The following CPNE8 variants were observed in gnomAD, a reference collection of about 807,000 sequenced individuals.
CPNE8 encodes copine 8.
CPNE8 carries 45 observed loss-of-function variants against 81.5 expected under a neutral mutation model. The ratio of observed to expected loss-of-function variants is 0.55; its 90% CI spans 0.44 to 0.71. CPNE8 has a LOEUF of 0.71. Among genes scored for constraint, CPNE8 ranks in the 30% least tolerant of loss-of-function variants. CPNE8 has a pLI of 0.00. For synonymous variants in CPNE8, 252 were observed against 226.3 expected (o/e 1.11, Z -1.02); for missense variants, 594 against 672.1 (o/e 0.88, Z 1.28).
chr12:38,898,794 C>T (rs552764994), intron 1 of CPNE8, among the ~76,000 whole-genome samples: 1 of 152,248 alleles, frequency 6.6e-6, no homozygotes, highest in South Asian at 2.1e-4. Flanking sequence ...CAGCCAACTC[C>T]AAAAAGGGTC....
At chr12:38,733,185 C>A (rs1592046621) in intron 10 of CPNE8, among the ~76,000 whole-genome samples, 1 of 151,872 alleles carries the variant, frequency 6.6e-6, no homozygotes, top group South Asian at 2.1e-4. Context: ...GATAGATTCT[C>A]AGGCCAATTT....
chr12:38,831,408 A>G (rs58235891), intron 5 of CPNE8, among the ~76,000 whole-genome samples: 12,322 of 152,222 alleles, frequency 0.081, 645 homozygotes, highest in East Asian at 0.28. Context: ...GAAAAAAACT[A>G]GAAGCCAGAT....
intron 19 of CPNE8, among the ~76,000 whole-genome samples, chr12:38,655,956 C>A (rs1938805943): frequency 1.4e-5 from 2 of 139,234 alleles, no homozygotes; most frequent in Non-Finnish European, 1.6e-5. Context: ...GCAAGAAAGG[C>A]AGCTTGCTAA....
chr12:38,839,295 C>T (rs1334780751), intron 5 of CPNE8, among the ~76,000 whole-genome samples: 1 of 151,976 alleles, frequency 6.6e-6, no homozygotes, highest in African/African-American at 2.4e-5. Flanking sequence ...AGCTCTGATG[C>T]CCAACTACTC....
rs184357401 is a variant in CPNE8 at position 38,725,117 on chromosome 12, C to A, written c.799-218G>T. ...TTAAAAATGTTTTGTCTGTAATATTCTTCTCACCTGTACATATTGATTACC... is the reference window on the plus strand; with the variant it reads ...TTAAAAATGTTTTGTCTGTAATATTATTCTCACCTGTACATATTGATTACC... On this transcript the variant is annotated intron_variant, in intron 11 of 19. Coordinates refer to ENST00000331366, the MANE Select transcript of CPNE8 (RefSeq NM_153634.3). 3.4e-3 allele frequency among the ~76,000 whole-genome samples: 513 copies of A among 152,256 alleles called. 1 individual carries two copies. Among genetic ancestry groups the A allele is most frequent in the Middle Eastern group, 0.01 (3 of 294 alleles).
intron 14 of CPNE8, among the ~76,000 whole-genome samples, chr12:38,695,897 T>A (rs1386644344): frequency 1.3e-5 from 2 of 151,984 alleles, no homozygotes; most frequent in Admixed American, 6.6e-5. Flanking sequence ...CCCCTGATAG[T>A]GTCACTGTAC....
In CPNE8 at chr12:38,795,428, G is replaced by A. The variant is rs375376580; in HGVS notation, c.408-19127C>T. Reference sequence around the variant, plus strand: ...CTTGAAGAGATATTTGCACACCTATGTTAATAGCGGCACTATTCACAATAT... The same window carrying A: ...CTTGAAGAGATATTTGCACACCTATATTAATAGCGGCACTATTCACAATAT... On this transcript the variant is annotated intron_variant, in intron 6 of 19. Coordinates refer to ENST00000331366, the MANE Select transcript of CPNE8 (RefSeq NM_153634.3). 3.2e-4 allele frequency among the ~76,000 whole-genome samples: 48 copies of A among 152,092 alleles called. 4 individuals carry two copies. The highest frequency in any genetic ancestry group is 2.6e-3 in the Admixed American group (40 of 15,268).
intron 6 of CPNE8, among the ~76,000 whole-genome samples, chr12:38,777,494 C>G (rs1592079822): frequency 6.6e-6 from 1 of 151,944 alleles, no homozygotes. Flanking sequence ...TTAGTGTAGC[C>G]TAACTATACA....
intron 4 of CPNE8, among the ~76,000 whole-genome samples, chr12:38,847,508 T>A (rs1943578498): frequency 2.0e-5 from 3 of 152,194 alleles, no homozygotes; most frequent in Admixed American, 6.5e-5. Flanking sequence ...TCTCTTCCAA[T>A]GAGCCTCATT....
At chr12:38,789,654 A>G (rs1942277626) in intron 6 of CPNE8, among the ~76,000 whole-genome samples, 1 of 151,846 alleles carries the variant, frequency 6.6e-6, no homozygotes, top group African/African-American at 2.4e-5. Flanking sequence ...CTCAGGGAAG[A>G]GACAACCCAC....
chr12:38,670,946 T>C (rs1939161448), intron 18 of CPNE8, 144 bp from the exon 19 acceptor site: 2 of 550,894 alleles, frequency 3.6e-6, no homozygotes, highest in Middle Eastern at 4.6e-4. Context: ...ATGTCTTCAT[T>C]CATTTCTCAT....
At chr12:38,884,745 A>G (rs973864080) in intron 1 of CPNE8, among the ~76,000 whole-genome samples, 1 of 152,182 alleles carries the variant, frequency 6.6e-6, no homozygotes, top group Non-Finnish European at 1.5e-5. Context: ...TAGTCAATCC[A>G]CATACCTGAT....
At chr12:38,781,404 T>C (rs1426875071) in intron 6 of CPNE8, among the ~76,000 whole-genome samples, 1 of 151,954 alleles carries the variant, frequency 6.6e-6, no homozygotes, top group Non-Finnish European at 1.5e-5. Context: ...TTAAAATAGA[T>C]AACAAAATTT....
At chr12:38,762,065 T>C in intron 9 of CPNE8, 47 bp downstream of exon 9, 16 of 1,007,174 alleles carry the variant, frequency 1.6e-5, no homozygotes, top group Non-Finnish European at 2.2e-5. Context: ...CACTGTAGAT[T>C]TTTTTAAAAG....
At chr12:38,708,223 C>T (rs571682459) in intron 13 of CPNE8, among the ~76,000 whole-genome samples, 7 of 152,080 alleles carry the variant, frequency 4.6e-5, no homozygotes, top group East Asian at 3.9e-4. Flanking sequence ...TAACCTCAAG[C>T]TATAAAACAG....
At position 38,814,814 on chromosome 12, in the gene CPNE8, T is replaced by C. The variant is rs762054121; in HGVS notation, c.407+14565A>G. On this transcript the variant is annotated intron_variant, in intron 6 of 19. Coordinates refer to ENST00000331366, the MANE Select transcript of CPNE8 (RefSeq NM_153634.3). ...AACACTAATTATAGCTGTCAGCAAA[T>C]AATATAGCTTTTTATTTCTTGTTTA... Among the ~76,000 whole-genome samples the C allele has an allele frequency of 4.3e-4, 66 of 152,144 alleles. 1 individual carries two copies. The highest frequency in any genetic ancestry group is 3.9e-4 in the Admixed American group (6 of 15,268).
At chr12:38,883,668 C>T (rs766477055) in intron 1 of CPNE8, among the ~76,000 whole-genome samples, 1 of 152,140 alleles carries the variant, frequency 6.6e-6, no homozygotes, top group African/African-American at 2.4e-5. Context: ...TATAACCTCA[C>T]TCCAAAATAG....
intron 3 of CPNE8, among the ~76,000 whole-genome samples, chr12:38,867,151 A>G (rs868418428): frequency 1.3e-5 from 2 of 152,214 alleles, no homozygotes; most frequent in Middle Eastern, 3.4e-3. Flanking sequence ...GAGCCACTGC[A>G]CCTGGCCCTG....
intron 1 of CPNE8, among the ~76,000 whole-genome samples, chr12:38,880,381 A>C (rs1235191235): frequency 6.6e-6 from 1 of 152,254 alleles, no homozygotes; most frequent in Non-Finnish European, 1.5e-5. Flanking sequence ...GAATGAACAA[A>C]GAGTTTTAGT....
Sources: gnomAD v4.1 joint callset for allele counts (sites outside exome capture counted in the v4.1 genomes callset) on GRCh38, gnomAD v4.1.1 for gene constraint, MANE v1.5 for transcripts, NCBI Gene and HGNC (gene_info 2026-07-23, HGNC 2026-07-21) for gene names.